The following SDK1 variants were observed in gnomAD, a reference collection of about 807,000 sequenced individuals.
SDK1 encodes the protein sidekick cell adhesion molecule 1.
In SDK1, 157 loss-of-function variants were observed where a neutral mutation model predicts 245.5. The ratio of observed to expected loss-of-function variants is 0.64; its 90% confidence interval spans 0.56 to 0.73. The LOEUF (loss-of-function observed/expected upper bound fraction) is 0.73, where lower values mean the gene tolerates loss of function less well. Ranked by LOEUF, SDK1 falls within the 30% of genes least tolerant of loss-of-function variation. The pLI, the probability that SDK1 is intolerant of heterozygous loss-of-function variation, is 0.00. For synonymous variants in SDK1, 1,647 were observed against 1,278.5 expected (o/e 1.29, Z -6.15); for missense variants, 3,583 against 3,002.3 (o/e 1.19, Z -4.52).
chr7:3,753,318 G>C (rs534149809), intron 4 of SDK1, among the ~76,000 whole-genome samples: 2 of 152,050 alleles, frequency 1.3e-5, no homozygotes, highest in Non-Finnish European at 2.9e-5. Flanking sequence ...ACTGTAAAAC[G>C]TCACTATCAA....
intron 1 of SDK1, among the ~76,000 whole-genome samples, chr7:3,477,929 G>A (rs1037824428): frequency 6.6e-6 from 1 of 152,104 alleles, no homozygotes; most frequent in African/African-American, 2.4e-5. Context: ...TACATACAGT[G>A]TTTTGTCCTA....
chr7:3,945,497 T>C (rs1199609990), intron 5 of SDK1, among the ~76,000 whole-genome samples: 2 of 151,886 alleles, frequency 1.3e-5, no homozygotes, highest in Non-Finnish European at 2.9e-5. Flanking sequence ...ATTTCACCCA[T>C]GAAACAAGAA....
At chr7:3,459,900 T>C (rs1475757834) in intron 1 of SDK1, among the ~76,000 whole-genome samples, 1 of 152,218 alleles carries the variant, frequency 6.6e-6, no homozygotes, top group Admixed American at 6.5e-5. Flanking sequence ...CTCGTGTTTA[T>C]TGAGGCTTTT....
intron 1 of SDK1, among the ~76,000 whole-genome samples, chr7:3,500,777 G>T (rs1486391381): frequency 1.3e-5 from 2 of 151,376 alleles, no homozygotes; most frequent in African/African-American, 2.4e-5. Flanking sequence ...CTCCTGTTTG[G>T]AAGTTTTGCC....
intron 40 of SDK1, among the ~76,000 whole-genome samples, chr7:4,223,093 A>AC (rs1785233506): frequency 6.6e-6 from 1 of 152,118 alleles, no homozygotes; most frequent in Non-Finnish European, 1.5e-5. Context: ...AAAAAAAAAA[A>AC]AAAAAGTTTC....
chr7:3,567,838 G>A lies in SDK1; in HGVS notation c.299-51242G>A, dbSNP rs562241500. 1.4e-4 allele frequency among the ~76,000 whole-genome samples: 21 copies of A among 152,152 alleles called. No homozygotes were observed. The South Asian group carries it at 4.2e-3, about 30-fold the overall frequency. ...TCATTTATTTTTCTTCTAAGGCAGG[G>A]TCTTGCCCTGTTGCATAGGCTGCAG... On this transcript the variant is annotated intron_variant, in intron 1 of 44. Transcript: ENST00000404826.
At chr7:3,398,919 G>T (rs1207366757) in intron 1 of SDK1, among the ~76,000 whole-genome samples, 3 of 151,896 alleles carry the variant, frequency 2.0e-5, no homozygotes, top group Admixed American at 6.6e-5. Flanking sequence ...GCAACTATTT[G>T]CCCTGAGACC....
chr7:4,071,303 G>T (rs1780242610), intron 20 of SDK1, among the ~76,000 whole-genome samples: 1 of 152,178 alleles, frequency 6.6e-6, no homozygotes, highest in African/African-American at 2.4e-5. Context: ...GGGATTACTG[G>T]CATGAGCCAC....
At chr7:3,548,687 T>C (rs1186885451) in intron 1 of SDK1, among the ~76,000 whole-genome samples, 2 of 152,226 alleles carry the variant, frequency 1.3e-5, no homozygotes, top group Non-Finnish European at 2.9e-5. Context: ...TTAGTGACTT[T>C]ATTCTTTTGT....
At chr7:3,675,598 A>T (rs1165346278) in intron 4 of SDK1, among the ~76,000 whole-genome samples, 1 of 151,858 alleles carries the variant, frequency 6.6e-6, no homozygotes, top group Non-Finnish European at 1.5e-5. Flanking sequence ...TAAAGAGATG[A>T]GGTCTTGTTC....
intron 17 of SDK1, among the ~76,000 whole-genome samples, chr7:4,024,105 A>G (rs1297314075): frequency 3.9e-5 from 6 of 152,138 alleles, no homozygotes; most frequent in Non-Finnish European, 7.4e-5. Context: ...TAACAGGTAT[A>G]TTTGTGCTGT....
chr7:3,972,238 C>A (rs1010544961), intron 12 of SDK1, among the ~76,000 whole-genome samples: 21 of 152,050 alleles, frequency 1.4e-4, no homozygotes, highest in African/African-American at 4.8e-4. Flanking sequence ...TGCCACCACT[C>A]CCGGCTATTT....
chr7:3,849,717 A>G (rs918751326), intron 5 of SDK1, among the ~76,000 whole-genome samples: 1 of 152,214 alleles, frequency 6.6e-6, no homozygotes, highest in African/African-American at 2.4e-5. Flanking sequence ...AATGTTGCTG[A>G]TAGCTGGCCA....
chr7:3,577,512 T>C (rs568727668), intron 1 of SDK1, among the ~76,000 whole-genome samples: 1 of 152,094 alleles, frequency 6.6e-6, no homozygotes, highest in Middle Eastern at 3.4e-3. Flanking sequence ...TCCCTCTTTC[T>C]TCATTGTTTG....
intron 22 of SDK1, among the ~76,000 whole-genome samples, chr7:4,081,940 A>C (rs141659146): frequency 1.3e-5 from 2 of 152,346 alleles, no homozygotes; most frequent in East Asian, 3.9e-4. Flanking sequence ...GCCTGTTCAC[A>C]TGCCAATATG....
chr7:3,428,276 T>C (rs1779732545), intron 1 of SDK1, among the ~76,000 whole-genome samples: 1 of 152,190 alleles, frequency 6.6e-6, no homozygotes, highest in Non-Finnish European at 1.5e-5. Flanking sequence ...TATTATTGAT[T>C]AATTTATCAT....
At chr7:4,146,187 C>T (rs552634841) in intron 29 of SDK1, among the ~76,000 whole-genome samples, 33 of 134,836 alleles carry the variant, frequency 2.4e-4, no homozygotes, top group South Asian at 1.2e-3. Context: ...CTGCTCTCTC[C>T]GACACGTGAG....
intron 5 of SDK1, among the ~76,000 whole-genome samples, chr7:3,904,869 T>G (rs1322639292): frequency 2.0e-5 from 3 of 151,924 alleles, no homozygotes; most frequent in Admixed American, 6.6e-5. Context: ...GGTGGGCGCC[T>G]GTAGTCCCAG....
chr7:3,387,743 C>T (rs538813774), intron 1 of SDK1, among the ~76,000 whole-genome samples: 7 of 152,032 alleles, frequency 4.6e-5, no homozygotes, highest in African/African-American at 7.2e-5. Flanking sequence ...TGTCTATTAC[C>T]ACAATAAAAA....
Sources: gnomAD v4.1 joint callset for allele counts (sites outside exome capture counted in the v4.1 genomes callset) on GRCh38, gnomAD v4.1.1 for gene constraint, MANE v1.5 for transcripts, NCBI Gene and HGNC (gene_info 2026-07-23, HGNC 2026-07-21) for gene names.